The following FAM228B variants were observed in gnomAD, a reference collection of about 807,000 sequenced individuals.
The protein encoded by FAM228B is family with sequence similarity 228 member B, also known as protein FAM228B.
A neutral mutation model predicts 42.6 loss-of-function variants in FAM228B; 38 were observed. The ratio of observed to expected loss-of-function variants is 0.89; its 90% CI spans 0.69 to 1.17. The LOEUF (loss-of-function observed/expected upper bound fraction) is 1.17. Among genes scored for constraint, FAM228B ranks in the 50% most tolerant of loss-of-function variants. The pLI is 0.00. For missense variants in FAM228B, 344 were observed against 367.3 expected (o/e 0.94, Z 0.52); for synonymous variants, 109 against 122.3 (o/e 0.89, Z 0.72).
Position 24,132,464 on chromosome 2 carries a change from G to GTTTTTTTTTTT in FAM228B, c.100-2639_100-2629dup, listed in dbSNP as rs548264853. ...CATGAATCCCTCTGGTCCTGGGATTGTTTTTTTTTTTTTTTTTTTTTTTTT... is the reference window on the plus strand; with the variant it reads ...CATGAATCCCTCTGGTCCTGGGATTGTTTTTTTTTTTTTTTTTTTTTTTTTTTTTTTTTTTT... On this transcript the variant is annotated intron_variant, in intron 2 of 10. Transcript: ENST00000615575. 1.3e-3 allele frequency among the ~76,000 whole-genome samples: 71 copies of GTTTTTTTTTTT among 56,006 alleles called. 4 individuals are homozygous for GTTTTTTTTTTT. Among genetic ancestry groups the GTTTTTTTTTTT allele is most frequent in the Non-Finnish European group, 1.9e-3 (53 of 27,858 alleles). The allele number at this position is 56,006 out of a possible 152,430, so 36.7% of individuals were successfully genotyped here.
chr2:24,106,705 T>C (rs1256784585), intron 3 of FAM228B, among the ~76,000 whole-genome samples: 1 of 152,070 alleles, frequency 6.6e-6, no homozygotes, highest in Non-Finnish European at 1.5e-5. Context: ...AGAAATAAGA[T>C]GATTTTCCGA....
chr2:24,094,519 C>G (rs1665457899), intron 2 of FAM228B, among the ~76,000 whole-genome samples: 1 of 152,118 alleles, frequency 6.6e-6, no homozygotes. Flanking sequence ...GAGTCTTGTT[C>G]TGTTGCTGAG....
intron 5 of FAM228B, among the ~76,000 whole-genome samples, chr2:24,140,711 T>C (rs972258861): frequency 2.6e-5 from 4 of 151,762 alleles, no homozygotes; most frequent in Non-Finnish European, 4.4e-5. Context: ...CCTGTAATCC[T>C]AGCACTTTGG....
intron 3 of FAM228B, chr2:24,096,834 A>C (rs1368580620): frequency 6.6e-6 from 1 of 152,226 alleles, no homozygotes; most frequent in African/African-American, 2.4e-5. Context: ...CATAATTGTC[A>C]GATTCACCAA....
intron 5 of FAM228B, among the ~76,000 whole-genome samples, chr2:24,143,823 G>A (rs1269051277): frequency 1.3e-5 from 2 of 152,028 alleles, no homozygotes; most frequent in Non-Finnish European, 2.9e-5. Context: ...ATACACAAAA[G>A]TTATTTGGAT....
In FAM228B at chr2:24,140,408, C is replaced by T. The variant is rs1356545226; in HGVS notation, c.441+958C>T. On this transcript the variant is annotated intron_variant, in intron 5 of 10. Coordinates refer to ENST00000615575, the MANE Select transcript of FAM228B (RefSeq NM_001145710.2). ...GCCAGGCTGGTCTCAAACTCCTGAC[C>T]TCAAGCGATTTGTCCTCCTTGGCCT... 3.3e-5 allele frequency among the ~76,000 whole-genome samples: 5 copies of T among 152,198 alleles called. No individual in the cohort carries two copies. The South Asian group carries it at 1.0e-3, about 32-fold the overall frequency.
chr2:24,084,395 G>GCAGGGCAGGA lies in FAM228B; in HGVS notation c.-210+3445_-210+3454dup. ...GCAGGGCAGGGCAGGACAGGACAGG[G>GCAGGGCAGGA]CAGGGCAGGACAGGACAGGGCAGGG... On this transcript the variant is annotated intron_variant, in intron 2 of 10. Coordinates refer to the FAM228B transcript ENST00000613899. This position sits in a 1 kb window ranked among gnomAD's most constrained non-coding sequence, Gnocchi z 8.4. The GCAGGGCAGGA allele has an allele frequency of 2.0e-6, 3 of 1,488,346 alleles. No homozygotes were observed. Among genetic ancestry groups the GCAGGGCAGGA allele is most frequent in the Non-Finnish European group, 2.7e-6 (3 of 1,103,506 alleles). 92.2% of individuals were successfully genotyped at this position (1,488,346 alleles called of 1,614,324 possible).
chr2:24,159,973 G>A (rs1365587855), intron 7 of FAM228B, among the ~76,000 whole-genome samples: 1 of 151,346 alleles, frequency 6.6e-6, no homozygotes, highest in Non-Finnish European at 1.5e-5. Context: ...TCTGGGTATG[G>A]GTTTCTTTTC....
At chr2:24,112,672 C>G (rs1462800751) in intron 3 of FAM228B, among the ~76,000 whole-genome samples, 2 of 152,136 alleles carry the variant, frequency 1.3e-5, no homozygotes, top group African/African-American at 4.8e-5. Flanking sequence ...GTGTATATTA[C>G]TTTTGTAATC....
At chr2:24,106,439 C>T (rs1299604363) in intron 3 of FAM228B, among the ~76,000 whole-genome samples, 1 of 150,608 alleles carries the variant, frequency 6.6e-6, no homozygotes, top group Non-Finnish European at 1.5e-5. Context: ...TCTGTCTCAG[C>T]CTCCCAAGTA....
At chr2:24,158,335 C>T (rs908629048) in intron 7 of FAM228B, among the ~76,000 whole-genome samples, 2 of 151,650 alleles carry the variant, frequency 1.3e-5, no homozygotes, top group Non-Finnish European at 2.9e-5. Flanking sequence ...TTTTGTCCCA[C>T]GATGTACTTT....
chr2:24,080,795 T>A lies in FAM228B; in HGVS notation c.-289-81T>A, dbSNP rs765163231. The A allele has an allele frequency of 2.5e-6, 4 of 1,613,314 alleles. No homozygotes were observed. In the South Asian group the frequency reaches 4.4e-5, roughly 18 times the overall value. On this transcript the variant is annotated intron_variant, in intron 1 of 10. Transcript: ENST00000613899. This position sits in a 1 kb window ranked among gnomAD's most constrained non-coding sequence, Gnocchi z 4.7. ...ATTTAATCATCTCTTAAATTCCTGC[T>A]GAACTGTAGAAGCAGTTGTTTACCT...
chr2:24,084,068 C>G lies in FAM228B; in HGVS notation c.-210+3113C>G. ...TGGGTTTAGGTCTGGGAAGCCCCAG[C>G]GCAGCTGCCTGCTGGGTGTGGAGCG... On this transcript the variant is annotated intron_variant, in intron 2 of 10. Transcript: ENST00000613899. The surrounding 1 kb of genome is among the most constrained non-coding windows in gnomAD (Gnocchi z 8.4). The G allele has an allele frequency of 7.1e-7, 1 of 1,413,330 alleles. No individual in the cohort carries two copies. Among genetic ancestry groups the G allele is most frequent in the South Asian group, 1.5e-5 (1 of 68,408 alleles). The allele number at this position is 1,413,330 out of a possible 1,614,324, so 87.5% of individuals were successfully genotyped here.
intron 5 of FAM228B, among the ~76,000 whole-genome samples, chr2:24,140,022 T>C (rs1405417683): frequency 6.6e-6 from 1 of 152,228 alleles, no homozygotes; most frequent in Non-Finnish European, 1.5e-5. Context: ...TTAATTAACC[T>C]TGCACTGAAG....
At chr2:24,104,615 G>C (rs1308466597) in intron 3 of FAM228B, among the ~76,000 whole-genome samples, 2 of 152,062 alleles carry the variant, frequency 1.3e-5, no homozygotes, top group Non-Finnish European at 2.9e-5. Context: ...AGAGGGTGCA[G>C]CTTTCTGTTG....
intron 7 of FAM228B, among the ~76,000 whole-genome samples, chr2:24,153,549 C>T (rs182955508): frequency 2.6e-5 from 4 of 152,328 alleles, no homozygotes; most frequent in Admixed American, 2.0e-4. Context: ...CCTGCTGTGG[C>T]TGAGCTGGTA....
At chr2:24,132,959 C>G (rs78577938) in intron 2 of FAM228B, among the ~76,000 whole-genome samples, 25 of 152,248 alleles carry the variant, frequency 1.6e-4, no homozygotes, top group African/African-American at 6.0e-4. Flanking sequence ...GATATTTGGT[C>G]AGAGTTCTTT....
chr2:24,093,642 A>G (rs958604006), intron 2 of FAM228B, among the ~76,000 whole-genome samples: 1 of 150,854 alleles, frequency 6.6e-6, no homozygotes, highest in Non-Finnish European at 1.5e-5. Flanking sequence ...TTGAGACAGA[A>G]TCTTGCTGTG....
At chr2:24,100,303 A>C (rs1665580707) in intron 3 of FAM228B, among the ~76,000 whole-genome samples, 1 of 152,246 alleles carries the variant, frequency 6.6e-6, no homozygotes, top group Non-Finnish European at 1.5e-5. Context: ...CTGCATGGCA[A>C]AAGAAACTAC....
Sources: allele counts gnomAD v4.1 joint callset (sites outside exome capture counted in the v4.1 genomes callset), GRCh38; gene constraint gnomAD v4.1.1; non-coding constraint Gnocchi (gnomAD v3.1); transcripts MANE v1.5; gene names NCBI Gene and HGNC (gene_info 2026-07-23, HGNC 2026-07-21).